C12orf42: variants seen among roughly 807,000 people sequenced by gnomAD.
The protein encoded by C12orf42 is chromosome 12 open reading frame 42.
In C12orf42, 25 loss-of-function variants were observed where a neutral mutation model predicts 21.6. The observed-to-expected ratio is 1.16, with a 90% CI of 0.84 to 1.62. The LOEUF (loss-of-function observed/expected upper bound fraction) is 1.62, where lower values mean the gene tolerates loss of function less well. C12orf42 is among the 40% of genes most tolerant of loss of function. The pLI, the probability that C12orf42 is intolerant of heterozygous loss-of-function variation, is 0.00. For synonymous variants in C12orf42, 174 were observed against 175.0 expected (o/e 0.99, Z 0.05); for missense variants, 483 against 459.3 (o/e 1.05, Z -0.47).
intron 4 of C12orf42, among the ~76,000 whole-genome samples, chr12:103,309,996 T>C (rs183165174): frequency 6.6e-6 from 1 of 152,346 alleles, no homozygotes; most frequent in Non-Finnish European, 1.5e-5. Context: ...AGATCCTATC[T>C]TTTATTGCCA....
chr12:103,294,620 GAAA>G (rs2037115257), intron 4 of C12orf42, among the ~76,000 whole-genome samples: 1 of 138,866 alleles, frequency 7.2e-6, no homozygotes. Context: ...AAGAAAGAAA[GAAA>G]GAAAGAAAGA....
the C12orf42 span, among the ~76,000 whole-genome samples, chr12:103,223,812 G>A: frequency 6.6e-6 from 1 of 152,216 alleles, no homozygotes; most frequent in Admixed American, 6.5e-5. Flanking sequence ...CCGAGGACAG[G>A]CCTGAATTCT....
At chr12:103,057,330 TCCTAATGCTCTC>T in the C12orf42 span, among the ~76,000 whole-genome samples, 1 of 152,262 alleles carries the variant, frequency 6.6e-6, no homozygotes, top group South Asian at 2.1e-4. Flanking sequence ...TAGTTATTTG[TCCTAATGCTCTC>T]CCTCCCGTTG....
rs990954691 is a variant in C12orf42 at position 103,477,839 on chromosome 12, T to C, written c.78+510A>G. The C allele has an allele frequency of 3.2e-5, 5 of 156,426 alleles. No homozygotes were observed. The South Asian group carries it at 7.8e-4, about 24-fold the overall frequency. The allele number at this position is 156,426 out of a possible 1,614,324, so 9.7% of individuals were successfully genotyped here. A position where few individuals can be genotyped will look rare whatever the true frequency, so the allele number is the denominator to read the frequency against. ...ACCTACAGAACTAAGTGGAAGATAG[T>C]ACACTTGTACTGTTTTAAGCCACTA... On this transcript the variant is annotated intron_variant, in intron 2 of 5. Coordinates refer to ENST00000548883, the MANE Select transcript of C12orf42 (RefSeq NM_198521.5).
At chr12:103,218,557 C>G in the C12orf42 span, among the ~76,000 whole-genome samples, 1 of 152,166 alleles carries the variant, frequency 6.6e-6, no homozygotes, top group African/African-American at 2.4e-5. Context: ...TCACTGGACT[C>G]TTGCATCTGT....
At chr12:103,157,820 A>C in the C12orf42 span, among the ~76,000 whole-genome samples, 6 of 152,086 alleles carry the variant, frequency 3.9e-5, no homozygotes, top group African/African-American at 1.4e-4. Context: ...GAAATATTAC[A>C]CTCCAATAAA....
At chr12:103,093,803 G>C in the C12orf42 span, among the ~76,000 whole-genome samples, 1 of 152,142 alleles carries the variant, frequency 6.6e-6, no homozygotes, top group Non-Finnish European at 1.5e-5. Flanking sequence ...GTAGCATCTG[G>C]TGCTAATCTG....
At chr12:103,298,400 G>T (rs982861138), downstream of C12orf42, among the ~76,000 whole-genome samples, 1 of 152,174 alleles carries the variant, frequency 6.6e-6, no homozygotes, top group Non-Finnish European at 1.5e-5. Context: ...CCTTACAAGG[G>T]ATGTGAAGGA....
chr12:103,355,175 T>C (rs2137550046), intron 4 of C12orf42, among the ~76,000 whole-genome samples: 2 of 152,256 alleles, frequency 1.3e-5, no homozygotes, highest in South Asian at 4.2e-4. Flanking sequence ...TGTCTGTGTA[T>C]ACCCAGCTCC....
chr12:103,483,576 C>A (rs4015526), intron 1 of C12orf42, among the ~76,000 whole-genome samples: 7 of 151,882 alleles, frequency 4.6e-5, no homozygotes, highest in Middle Eastern at 3.2e-3. Context: ...TTTTCTTCAC[C>A]CCTCCCACAG....
At chr12:103,519,506 C>G in the C12orf42 span, among the ~76,000 whole-genome samples, 4 of 152,146 alleles carry the variant, frequency 2.6e-5, no homozygotes, top group African/African-American at 9.6e-5. Flanking sequence ...ATTACTTAAC[C>G]CTCTAGGTCT....
At chr12:103,400,713 G>A (rs7313836) in intron 3 of C12orf42, among the ~76,000 whole-genome samples, 94,134 of 151,898 alleles carry the variant, frequency 0.62, 30,266 homozygotes, top group Admixed American at 0.73. Context: ...CTCTTGAATC[G>A]TATTTCCAGT....
At chr12:103,185,344 T>C in the C12orf42 span, among the ~76,000 whole-genome samples, 2 of 152,150 alleles carry the variant, frequency 1.3e-5, no homozygotes, top group Admixed American at 1.3e-4. Context: ...CACAGGTACT[T>C]CAGGTAGGAA....
At chr12:103,515,372 T>C in the C12orf42 span, among the ~76,000 whole-genome samples, 1 of 152,222 alleles carries the variant, frequency 6.6e-6, no homozygotes, top group Non-Finnish European at 1.5e-5. Flanking sequence ...ATAAGAATGT[T>C]TCTGAGTTTG....
chr12:103,238,463 C>A (rs2033561447), intron 10 of C12orf42, among the ~76,000 whole-genome samples: 1 of 152,178 alleles, frequency 6.6e-6, no homozygotes, highest in South Asian at 2.1e-4. Flanking sequence ...AATCTTCATT[C>A]TAACAAGAAT....
At chr12:103,446,823 T>C (rs1951605906) in intron 2 of C12orf42, among the ~76,000 whole-genome samples, 1 of 151,934 alleles carries the variant, frequency 6.6e-6, no homozygotes, top group African/African-American at 2.4e-5. Flanking sequence ...CAATCCTAAA[T>C]ACATATGCAC....
the C12orf42 span, among the ~76,000 whole-genome samples, chr12:103,223,203 G>T: frequency 6.6e-6 from 1 of 152,050 alleles, no homozygotes; most frequent in African/African-American, 2.4e-5. Flanking sequence ...TTTGGGGGGT[G>T]GTATGGAGAG....
intron 3 of C12orf42, among the ~76,000 whole-genome samples, 152 bp from the exon 4 acceptor site, chr12:103,369,150 C>G (rs2044930349): frequency 6.6e-6 from 1 of 151,952 alleles, no homozygotes; most frequent in African/African-American, 2.4e-5. Context: ...ATCCTGAAAA[C>G]AATCACAGTT....
At chr12:103,440,264 C>G (rs201136475) in intron 2 of C12orf42, among the ~76,000 whole-genome samples, 42 of 95,334 alleles carry the variant, frequency 4.4e-4, no homozygotes, top group African/African-American at 1.6e-3. Flanking sequence ...GTGGTGGGGT[C>G]GGGGGAGGGG....
Sources: allele counts gnomAD v4.1 joint callset (sites outside exome capture counted in the v4.1 genomes callset), GRCh38; gene constraint gnomAD v4.1.1; transcripts MANE v1.5; gene names NCBI Gene and HGNC (gene_info 2026-07-23, HGNC 2026-07-21).